Variants in TMC5 observed in about 807,000 individuals in gnomAD.
TMC5 encodes transmembrane channel like 5.
In TMC5, 86 loss-of-function variants were observed where a neutral mutation model predicts 110.5. The observed-to-expected ratio is 0.78, with a 90% confidence interval of 0.65 to 0.93. The LOEUF is 0.93. Among genes scored for constraint, TMC5 ranks in the 40% least tolerant of loss-of-function variants. TMC5 has a pLI of 0.00. For missense variants in TMC5, 1,144 were observed against 1,222.8 expected, an observed-to-expected ratio of 0.94 and a Z score of 0.96; for synonymous variants, 455 against 439.5, an observed-to-expected ratio of 1.04 and a Z score of -0.44.
chr16:19,428,652 T>A (rs1426731150), intron 1 of TMC5, among the ~76,000 whole-genome samples: 2 of 152,206 alleles, frequency 1.3e-5, no homozygotes, highest in Non-Finnish European at 2.9e-5. Flanking sequence ...CTTCTGACTC[T>A]TTCTCACTCA....
At chr16:19,461,535 C>T (rs1321406043) in intron 6 of TMC5, among the ~76,000 whole-genome samples, 2 of 151,934 alleles carry the variant, frequency 1.3e-5, no homozygotes, top group Non-Finnish European at 2.9e-5. Flanking sequence ...GATCACACCA[C>T]TGCACTCCAG....
intron 1 of TMC5, among the ~76,000 whole-genome samples, chr16:19,421,882 G>T (rs182851530): frequency 1.3e-5 from 2 of 152,132 alleles, no homozygotes; most frequent in Non-Finnish European, 2.9e-5. Context: ...GGCCTAGGAG[G>T]TTGCATCACT....
chr16:19,415,584 T>C (rs564836495), upstream of TMC5, among the ~76,000 whole-genome samples: 9 of 152,296 alleles, frequency 5.9e-5, no homozygotes, highest in South Asian at 2.1e-4. Flanking sequence ...TCCTGACTTA[T>C]AGCTACAAAA....
chr16:19,428,356 T>C (rs867969686), intron 1 of TMC5, among the ~76,000 whole-genome samples: 3 of 150,952 alleles, frequency 2.0e-5, no homozygotes, highest in Non-Finnish European at 4.4e-5. Flanking sequence ...TTGCCCAGGC[T>C]GGAGTACAGT....
intron 12 of TMC5, chr16:19,476,927 G>C (rs1968503077): frequency 6.3e-6 from 1 of 158,860 alleles, no homozygotes; most frequent in Non-Finnish European, 1.4e-5. Flanking sequence ...GAGTCTCACA[G>C]GGGCATTAAG....
chr16:19,448,779 T>C (rs1010673120), intron 4 of TMC5, among the ~76,000 whole-genome samples: 2 of 145,414 alleles, frequency 1.4e-5, no homozygotes, highest in African/African-American at 5.0e-5. Context: ...AAAATAAATA[T>C]ATTAGAAATA....
chr16:19,492,421 GTATT>G, intron 19 of TMC5, 193 bp downstream of exon 19: 3 of 401,736 alleles, frequency 7.5e-6, no homozygotes, highest in South Asian at 8.8e-5. Flanking sequence ...TTTATTCTTA[GTATT>G]TATTTATTTT....
chr16:19,420,538 G>A (rs1315152382), intron 1 of TMC5, among the ~76,000 whole-genome samples: 1 of 152,158 alleles, frequency 6.6e-6, no homozygotes, highest in Non-Finnish European at 1.5e-5. Flanking sequence ...ATAGTGCACT[G>A]CAGCCTCAAC....
In TMC5 at chr16:19,463,713, C is replaced by T. The variant is rs140731671; in HGVS notation, c.1237-63C>T. 959 of 1,571,748 alleles carry T rather than the reference C, an allele frequency of 6.1e-4. 2 individuals carry two copies. In the African/African-American group the frequency reaches 8.9e-3, roughly 15 times the overall value. Reference sequence around the variant, plus strand: ...GGTGGCTGTTTCTGTTATTATGGCACCTGCTCAGTCGATATTTGTTGAGTC... The same window carrying T: ...GGTGGCTGTTTCTGTTATTATGGCATCTGCTCAGTCGATATTTGTTGAGTC... On this transcript the variant is annotated intron_variant, in intron 7 of 21. Transcript: ENST00000542583.
Position 19,461,751 on chromosome 16 carries a change from T to TA in TMC5, c.1148+1418dup, listed in dbSNP as rs1179479088. Among the ~76,000 whole-genome samples the TA allele has an allele frequency of 2.0e-5, 3 of 152,006 alleles. 1 individual carries two copies. The highest frequency in any genetic ancestry group is 1.3e-4 in the Admixed American group (2 of 15,254). On this transcript the variant is annotated intron_variant, in intron 6 of 21. Coordinates refer to ENST00000542583, the MANE Select transcript of TMC5 (RefSeq NM_001261841.2). The stretch of plus-strand genomic sequence containing the variant: ...ATTTGATATAGTTGGCAGAAAGTAG[T>TA]AGAGTGGATGCAACAACAATTACTA...
chr16:19,497,009 CCTTAA>C (rs1239281325), intron 20 of TMC5, 107 bp from the exon 21 acceptor site: 5 of 1,029,080 alleles, frequency 4.9e-6, no homozygotes, highest in Non-Finnish European at 7.5e-6. Context: ...ATCTCTCATC[CCTTAA>C]CTTCTATAAA....
chr16:19,490,946 TCCTTTC>T (rs1968885329), intron 18 of TMC5, among the ~76,000 whole-genome samples: 1 of 96,072 alleles, frequency 1.0e-5, no homozygotes, highest in East Asian at 3.1e-4. Flanking sequence ...TCCCTTCCCT[TCCTTTC>T]CCCTTCCCCT....
intron 15 of TMC5, among the ~76,000 whole-genome samples, chr16:19,485,484 A>G (rs911988456): frequency 6.6e-6 from 1 of 151,986 alleles, no homozygotes; most frequent in African/African-American, 2.4e-5. Flanking sequence ...TTTAGTAGAG[A>G]TGGGGGTTTT....
chr16:19,423,253 G>A (rs1016832672), intron 1 of TMC5, among the ~76,000 whole-genome samples: 6 of 152,160 alleles, frequency 3.9e-5, no homozygotes, highest in Non-Finnish European at 5.9e-5. Flanking sequence ...GGGCTGTCTT[G>A]TGCATTAGAG....
intron 6 of TMC5, chr16:19,462,376 T>A (rs1470499467): frequency 1.7e-6 from 1 of 573,162 alleles, no homozygotes; most frequent in African/African-American, 1.9e-5. Flanking sequence ...TTGCCAATTG[T>A]GTGGGGGCAA....
At chr16:19,422,074 C>CA (rs1349829468) in intron 1 of TMC5, among the ~76,000 whole-genome samples, 2 of 151,130 alleles carry the variant, frequency 1.3e-5, no homozygotes, top group South Asian at 2.1e-4. Flanking sequence ...ATTAAAAATA[C>CA]AAAAAAATTA....
intron 8 of TMC5, among the ~76,000 whole-genome samples, chr16:19,465,114 TCCC>T (rs1426890196): frequency 0.029 from 1,324 of 45,580 alleles, 10 homozygotes; most frequent in Non-Finnish European, 0.058. Flanking sequence ...CCTTCCTTCC[TCCC>T]TCCCTCCCTC....
chr16:19,472,387 G>A, intron 11 of TMC5, 144 bp downstream of exon 11: 1 of 922,442 alleles, frequency 1.1e-6, no homozygotes, highest in Non-Finnish European at 1.6e-6. Flanking sequence ...TAAAAATGCA[G>A]GGGTGAGGCA....
chr16:19,452,290 A>C, intron 5 of TMC5, among the ~76,000 whole-genome samples: 1 of 152,202 alleles, frequency 6.6e-6, no homozygotes, highest in African/African-American at 2.4e-5. Flanking sequence ...CAGAGCTTCC[A>C]TGCCCTCCCT....
Sources: allele counts gnomAD v4.1 joint callset (sites outside exome capture counted in the v4.1 genomes callset), GRCh38; gene constraint gnomAD v4.1.1; transcripts MANE v1.5; gene names NCBI Gene and HGNC (gene_info 2026-07-23, HGNC 2026-07-21).